The following MTUS1 variants were observed in gnomAD, a reference collection of about 807,000 sequenced individuals.
MTUS1 encodes microtubule associated scaffold protein 1.
MTUS1 carries 109 observed loss-of-function variants against 120.8 expected under a neutral mutation model. That is an observed-to-expected ratio of 0.90 (90% confidence interval 0.77 to 1.06). The LOEUF is 1.06. Among genes scored for constraint, MTUS1 ranks in the 50% least tolerant of loss-of-function variants. The probability of loss-of-function intolerance (pLI) is 0.00; values close to 1 mark genes in which losing one functional copy is unlikely to be tolerated. For missense variants in MTUS1, 2,210 were observed against 1,486.3 expected, an observed-to-expected ratio of 1.49 and a Z score of -8.01; for synonymous variants, 737 against 550.5, an observed-to-expected ratio of 1.34 and a Z score of -4.74.
At chr8:17,674,443 AAAGAG>A in intron 8 of MTUS1, 1 of 983,328 alleles carries the variant, frequency 1.0e-6, no homozygotes, top group Non-Finnish European at 1.2e-6. Flanking sequence ...AAGAAACAGA[AAAGAG>A]AAAAGCAAAA....
intron 3 of MTUS1, among the ~76,000 whole-genome samples, chr8:17,735,336 T>G (rs1212521408): frequency 6.6e-6 from 1 of 151,954 alleles, no homozygotes; most frequent in Non-Finnish European, 1.5e-5. Flanking sequence ...TTAGGACTGT[T>G]CACACCAACA....
At chr8:17,734,424 G>A (rs2046794450) in intron 3 of MTUS1, among the ~76,000 whole-genome samples, 1 of 152,056 alleles carries the variant, frequency 6.6e-6, no homozygotes, top group African/African-American at 2.4e-5. Context: ...CAAAAACACG[G>A]CAAGTCTTAA....
chr8:17,647,008 C>G lies in MTUS1; in HGVS notation c.3573G>C (p.Arg1191=), dbSNP rs769198054. 6 of 1,613,844 alleles carry G rather than the reference C, an allele frequency of 3.7e-6. No individual in the cohort carries two copies. The highest frequency in any genetic ancestry group is 1.7e-5 in the Admixed American group (1 of 59,982). ...FQQENEELKA[R]MDKHMAISRQ... ...TTGAGATTGCCATGTGCTTGTCCAT[C>G]CGAGCTTTCAATTCTTCATTCTCCT... is the stretch of plus-strand genomic sequence containing the variant. Residue 1191 remains arginine (R), a synonymous_variant, in exon 14 of 15, where the codon CGG becomes CGC. Coordinates refer to ENST00000693296, the MANE Select transcript of MTUS1 (RefSeq NM_001363059.2).
At chr8:17,723,542 C>T (rs1005710355) in intron 4 of MTUS1, 130 bp downstream of exon 4, 6 of 925,796 alleles carry the variant, frequency 6.5e-6, no homozygotes, top group African/African-American at 4.9e-5. Flanking sequence ...TTCAGAGCAA[C>T]TCCAAGGAAG....
intron 1 of MTUS1, among the ~76,000 whole-genome samples, chr8:17,767,891 T>A (rs763812746): frequency 6.6e-6 from 1 of 151,846 alleles, no homozygotes; most frequent in Middle Eastern, 3.2e-3. Context: ...TGGCTAAAGG[T>A]GGAAGATGTC....
intron 2 of MTUS1, among the ~76,000 whole-genome samples, chr8:17,751,323 C>A (rs1586160760): frequency 6.6e-6 from 1 of 152,046 alleles, no homozygotes; most frequent in Admixed American, 6.6e-5. Context: ...TAACATCCCT[C>A]CAGCATGGTC....
intron 8 of MTUS1, among the ~76,000 whole-genome samples, chr8:17,660,739 G>A (rs1328331767): frequency 6.6e-6 from 1 of 152,054 alleles, no homozygotes; most frequent in Non-Finnish European, 1.5e-5. Flanking sequence ...ATCCTAATGA[G>A]TACATCACTG....
chr8:17,667,482 G>A (rs993769937), intron 8 of MTUS1, among the ~76,000 whole-genome samples: 4 of 152,310 alleles, frequency 2.6e-5, no homozygotes, highest in African/African-American at 9.6e-5. Flanking sequence ...TATGGCGTGA[G>A]GCAATGTGAA....
intron 1 of MTUS1, among the ~76,000 whole-genome samples, chr8:17,761,716 A>T (rs776326126): frequency 1.3e-5 from 2 of 152,250 alleles, no homozygotes; most frequent in Non-Finnish European, 2.9e-5. Flanking sequence ...CTTTATAACC[A>T]CACAGAATGT....
intron 13 of MTUS1, among the ~76,000 whole-genome samples, chr8:17,649,278 A>G (rs1585385645): frequency 1.3e-5 from 2 of 152,040 alleles, no homozygotes; most frequent in South Asian, 4.2e-4. Context: ...GCTGGTCTCG[A>G]ACTCCTGACC....
chr8:17,723,950 T>C (rs2046023498), intron 3 of MTUS1, 117 bp from the exon 4 acceptor site: 1 of 772,538 alleles, frequency 1.3e-6, no homozygotes, highest in East Asian at 2.5e-5. Context: ...ACAAAATGAA[T>C]GTTCACAATC....
intron 4 of MTUS1, among the ~76,000 whole-genome samples, chr8:17,721,550 G>A (rs2045844795): frequency 6.6e-6 from 1 of 152,128 alleles, no homozygotes; most frequent in Non-Finnish European, 1.5e-5. Flanking sequence ...GTCCTACACA[G>A]AAGCATTCAC....
chr8:17,698,628 A>G (rs566012844), intron 6 of MTUS1, among the ~76,000 whole-genome samples: 2 of 152,210 alleles, frequency 1.3e-5, no homozygotes, highest in Non-Finnish European at 2.9e-5. Flanking sequence ...TATTAAAACT[A>G]GCAGGAAGCA....
At chr8:17,727,772 G>C (rs976447887) in intron 3 of MTUS1, among the ~76,000 whole-genome samples, 30 of 152,320 alleles carry the variant, frequency 2.0e-4, no homozygotes, top group African/African-American at 7.2e-4. Context: ...ATTGACCTCA[G>C]TGGTTTATTT....
At chr8:17,705,374 T>C (rs915307147) in intron 6 of MTUS1, among the ~76,000 whole-genome samples, 8 of 152,226 alleles carry the variant, frequency 5.3e-5, no homozygotes, top group African/African-American at 9.6e-5. Context: ...TCTACTTAAG[T>C]CTATATTCTT....
At chr8:17,762,517 T>G (rs1359208279) in intron 1 of MTUS1, among the ~76,000 whole-genome samples, 1 of 152,126 alleles carries the variant, frequency 6.6e-6, no homozygotes, top group Non-Finnish European at 1.5e-5. Context: ...GCACTACGTT[T>G]AACGGAGCAT....
chr8:17,710,473 A>G (rs1215236991), intron 6 of MTUS1, among the ~76,000 whole-genome samples: 5 of 152,210 alleles, frequency 3.3e-5, no homozygotes, highest in Non-Finnish European at 7.3e-5. Context: ...ATTTTACCAG[A>G]GATCAACAGC....
chr8:17,695,867 A>G (rs1475326114), intron 6 of MTUS1, among the ~76,000 whole-genome samples: 1 of 152,222 alleles, frequency 6.6e-6, no homozygotes, highest in Non-Finnish European at 1.5e-5. Context: ...AACACTATGC[A>G]AGCAGCTGAG....
chr8:17,768,625 C>T (rs1469752991), intron 1 of MTUS1, among the ~76,000 whole-genome samples: 2 of 152,008 alleles, frequency 1.3e-5, no homozygotes, highest in Non-Finnish European at 2.9e-5. Flanking sequence ...TTTAAAATAT[C>T]TTTAAGAGCC....
Sources: gnomAD v4.1 joint callset for allele counts (sites outside exome capture counted in the v4.1 genomes callset) on GRCh38, gnomAD v4.1.1 for gene constraint, MANE v1.5 for transcripts, NCBI Gene and HGNC (gene_info 2026-07-23, HGNC 2026-07-21) for gene names.